The following KLF8 variants were observed in gnomAD, a reference collection of about 807,000 sequenced individuals.
KLF8 encodes the protein KLF transcription factor 8.
Under a neutral mutation model 18.2 loss-of-function variants are expected in KLF8, and 10 were observed. The ratio of observed to expected loss-of-function variants is 0.55; its 90% CI spans 0.34 to 0.93. KLF8 has a LOEUF of 0.93. KLF8 is among the 40% of genes least tolerant of loss of function. The probability of loss-of-function intolerance (pLI) is 0.02; values close to 1 mark genes in which losing one functional copy is unlikely to be tolerated. For synonymous variants in KLF8, 109 were observed against 97.3 expected (o/e 1.12, Z -0.71); for missense variants, 264 against 277.9 (o/e 0.95, Z 0.36).
chrX:56,126,740 C>CTT, the KLF8 span, among the ~76,000 whole-genome samples: 1 of 91,814 alleles, frequency 1.1e-5, no homozygotes. Context: ...TTTTCTTTTT[C>CTT]TTTCTTTCTT....
chrX:55,992,334 A>G, the KLF8 span, among the ~76,000 whole-genome samples: 2 of 112,481 alleles, frequency 1.8e-5, no homozygotes, highest in Non-Finnish European at 1.9e-5. Context: ...CAGTTATCCC[A>G]GTACCATTTA....
chrX:56,265,276 C>A lies in KLF8; in HGVS notation c.178C>A (p.Pro60Thr). Residue 60 changes from proline to threonine, a missense_variant, in exon 3 of 6, where the codon CCA (proline) becomes ACA (threonine). Pro to Thr is a conservative substitution (Grantham distance 38). Coordinates refer to ENST00000468660, the MANE Select transcript of KLF8 (RefSeq NM_007250.5). ...TLLDANPMEN[P>T]ALFNDIKIEP... ...CCTGGATGCCAACCCCATGGAGAAC[C>A]CAGCACTGTTTAATGACATCAAGAT... The A allele has an allele frequency of 1.7e-6, 2 of 1,208,250 alleles. No individual in the cohort carries two copies. The highest frequency in any genetic ancestry group is 2.2e-6 in the Non-Finnish European group (2 of 893,353).
At chrX:56,281,810 G>C (rs2067205507) in intron 5 of KLF8, among the ~76,000 whole-genome samples, 1 of 112,698 alleles carries the variant, frequency 8.9e-6, no homozygotes, top group Admixed American at 9.4e-5. Flanking sequence ...ATGATAAGTT[G>C]ATGGAGATTA....
chrX:56,149,432 A>C, the KLF8 span, among the ~76,000 whole-genome samples: 1 of 110,506 alleles, frequency 9.0e-6, no homozygotes, highest in Non-Finnish European at 1.9e-5. Context: ...AGACTACTAG[A>C]AAGTGGAGGG....
chrX:56,166,140 T>A, the KLF8 span, among the ~76,000 whole-genome samples: 2 of 109,186 alleles, frequency 1.8e-5, no homozygotes, highest in African/African-American at 6.6e-5. Flanking sequence ...TGCTTTATTT[T>A]TTTTTTTTTT....
chrX:56,098,821 A>C, the KLF8 span, among the ~76,000 whole-genome samples: 1 of 111,983 alleles, frequency 8.9e-6, no homozygotes, highest in Non-Finnish European at 1.9e-5. Flanking sequence ...ACATGATTTT[A>C]TATTTAAGAT....
the KLF8 span, among the ~76,000 whole-genome samples, chrX:55,923,345 G>T: frequency 9.3e-6 from 1 of 107,353 alleles, no homozygotes; most frequent in Admixed American, 1.0e-4. Context: ...AAGGTGAGGG[G>T]TGGGAGGAGG....
chrX:56,253,521 G>T (rs185355757), intron 2 of KLF8, among the ~76,000 whole-genome samples: 1 of 110,850 alleles, frequency 9.0e-6, no homozygotes, highest in African/African-American at 3.3e-5. Context: ...ATTCTTTGTA[G>T]ATGTATGGCT....
the KLF8 span, among the ~76,000 whole-genome samples, chrX:56,079,128 G>C: frequency 9.0e-6 from 1 of 110,670 alleles, no homozygotes; most frequent in South Asian, 3.8e-4. Context: ...AGGGTTTTTT[G>C]TGTCTCTATT....
chrX:56,092,423 T>G, the KLF8 span, among the ~76,000 whole-genome samples: 1 of 111,701 alleles, frequency 9.0e-6, no homozygotes, highest in Non-Finnish European at 1.9e-5. Context: ...CCTAATATTT[T>G]TATAGTTTTG....
At chrX:56,239,678 A>G (rs1359712689) in intron 1 of KLF8, among the ~76,000 whole-genome samples, 1 of 112,267 alleles carries the variant, frequency 8.9e-6, no homozygotes, top group Non-Finnish European at 1.9e-5. Flanking sequence ...GATGTCCTGT[A>G]AATGACATAG....
At chrX:56,179,521 C>T in the KLF8 span, among the ~76,000 whole-genome samples, 3 of 112,033 alleles carry the variant, frequency 2.7e-5, no homozygotes, top group Non-Finnish European at 5.6e-5. Flanking sequence ...GAACTTCCAA[C>T]ACTATGTTGA....
the KLF8 span, among the ~76,000 whole-genome samples, chrX:56,025,926 C>T: frequency 8.9e-6 from 1 of 112,518 alleles, no homozygotes; most frequent in Non-Finnish European, 1.9e-5. Context: ...GAAAGCAGTC[C>T]TCCGTGTGAA....
chrX:56,127,602 G>A, the KLF8 span, among the ~76,000 whole-genome samples: 1 of 111,492 alleles, frequency 9.0e-6, no homozygotes, highest in Admixed American at 9.5e-5. Context: ...AGAGGTTGAG[G>A]CTGCAGTGAG....
At chrX:56,067,985 C>G in the KLF8 span, among the ~76,000 whole-genome samples, 3 of 112,219 alleles carry the variant, frequency 2.7e-5, no homozygotes, top group African/African-American at 9.7e-5. Flanking sequence ...ATTCGGCCAG[C>G]TATTTCACCC....
the KLF8 span, among the ~76,000 whole-genome samples, chrX:55,924,372 C>T: frequency 7.2e-5 from 8 of 111,856 alleles, no homozygotes; most frequent in South Asian, 7.5e-4. Context: ...CCACTGCGCC[C>T]GGCCCTGACA....
At chrX:56,026,023 G>A in the KLF8 span, among the ~76,000 whole-genome samples, 2 of 112,130 alleles carry the variant, frequency 1.8e-5, no homozygotes, top group Non-Finnish European at 1.9e-5. Flanking sequence ...TCGGCCGTGC[G>A]TAGACCAGTC....
At chrX:55,919,310 C>T in the KLF8 span, among the ~76,000 whole-genome samples, 1 of 111,990 alleles carries the variant, frequency 8.9e-6, no homozygotes, top group Non-Finnish European at 1.9e-5. Context: ...TGGAGACTCA[C>T]TTCGTGAACT....
the KLF8 span, among the ~76,000 whole-genome samples, chrX:56,105,067 G>C: frequency 1.8e-5 from 2 of 112,133 alleles, no homozygotes; most frequent in Non-Finnish European, 3.8e-5. Flanking sequence ...TGATTGCACT[G>C]TGGTCTGAGA....
Sources: allele counts gnomAD v4.1 joint callset (sites outside exome capture counted in the v4.1 genomes callset), GRCh38; gene constraint gnomAD v4.1.1; transcripts MANE v1.5; gene names NCBI Gene and HGNC (gene_info 2026-07-23, HGNC 2026-07-21).